CPB2: variants seen among roughly 807,000 people sequenced by gnomAD.
CPB2 encodes carboxypeptidase B-like protein.
In CPB2, 54 loss-of-function variants were observed where a neutral mutation model predicts 57.0. The ratio of observed to expected loss-of-function variants is 0.95; its 90% CI spans 0.76 to 1.19. CPB2 has a LOEUF of 1.19. CPB2 is among the 50% of genes most tolerant of loss of function. The pLI is 0.00. For synonymous variants in CPB2, 189 were observed against 178.1 expected, an observed-to-expected ratio of 1.06 and a Z score of -0.49; for missense variants, 426 against 512.0, an observed-to-expected ratio of 0.83 and a Z score of 1.62.
At chr13:46,076,969 A>T (rs1191297749) in intron 5 of CPB2, among the ~76,000 whole-genome samples, 1 of 152,172 alleles carries the variant, frequency 6.6e-6, no homozygotes, top group South Asian at 2.1e-4. Context: ...CTAAAACTAT[A>T]AAACTACTAG....
At chr13:46,095,992 T>C (rs2045361013) in intron 1 of CPB2, among the ~76,000 whole-genome samples, 1 of 150,332 alleles carries the variant, frequency 6.7e-6, no homozygotes, top group Non-Finnish European at 1.5e-5. Flanking sequence ...GTGATTCTCC[T>C]GCCTCAGCCT....
At chr13:46,067,606 G>A (rs546250808) in intron 6 of CPB2, among the ~76,000 whole-genome samples, 189 bp from the exon 7 acceptor site, 153 of 152,156 alleles carry the variant, frequency 1.0e-3, no homozygotes, top group Non-Finnish European at 1.5e-3. Context: ...TGCCTTACAC[G>A]TGGTCCAGTA....
intron 1 of CPB2, chr13:46,100,513 C>G (rs2045420944): frequency 6.6e-6 from 1 of 151,760 alleles, no homozygotes; most frequent in South Asian, 2.1e-4. Context: ...TTTTATGGTT[C>G]TGTAAGTCAC....
At chr13:46,067,735 C>T (rs1315848168) in intron 6 of CPB2, among the ~76,000 whole-genome samples, 2 of 152,134 alleles carry the variant, frequency 1.3e-5, no homozygotes, top group African/African-American at 4.8e-5. Context: ...GAAACAAAAA[C>T]CTAGATTTAG....
intron 4 of CPB2, among the ~76,000 whole-genome samples, chr13:46,080,018 A>C (rs138603136): frequency 2.2e-4 from 33 of 152,324 alleles, no homozygotes; most frequent in African/African-American, 7.7e-4. Context: ...ACATCTGAGA[A>C]AGCTACCACA....
intron 5 of CPB2, among the ~76,000 whole-genome samples, chr13:46,075,541 G>A (rs1033394229): frequency 6.6e-6 from 1 of 152,192 alleles, no homozygotes; most frequent in Non-Finnish European, 1.5e-5. Flanking sequence ...AATGTCATGG[G>A]TGGATATGCC....
At chr13:46,102,679 C>G (rs577826784) in intron 1 of CPB2, among the ~76,000 whole-genome samples, 3 of 148,976 alleles carry the variant, frequency 2.0e-5, no homozygotes, top group African/African-American at 7.4e-5. Context: ...AATTAGATTT[C>G]CTTTTTAGCT....
rs1363349127 is a variant in CPB2, at chr13:46,076,255, C to G, written c.487-2278G>C. On this transcript the variant is annotated intron_variant, in intron 5 of 10. Coordinates refer to ENST00000181383, the MANE Select transcript of CPB2 (RefSeq NM_001872.5). ...TCTTATATTTAGAAAAACCTAGCCT[C>G]CACCAAAAAACTGTGTTAGAACTGA... Among the ~76,000 whole-genome samples, 4 of 152,170 alleles carry G rather than the reference C, an allele frequency of 2.6e-5. No individual in the cohort carries two copies. In the East Asian group the frequency reaches 7.7e-4, roughly 29 times the overall value.
At chr13:46,103,910 C>T (rs1388723957) in intron 1 of CPB2, among the ~76,000 whole-genome samples, 2 of 152,194 alleles carry the variant, frequency 1.3e-5, no homozygotes, top group East Asian at 1.9e-4. Context: ...TTGACCCCCA[C>T]GTCAATTAAA....
At chr13:46,092,121 G>GA (rs932370943) in intron 1 of CPB2, among the ~76,000 whole-genome samples, 2 of 151,764 alleles carry the variant, frequency 1.3e-5, no homozygotes, top group African/African-American at 4.8e-5. Flanking sequence ...TTTTAAATTA[G>GA]AAAAAATGCT....
chr13:46,054,583 G>A (rs2044665947), intron 10 of CPB2, among the ~76,000 whole-genome samples: 2 of 152,138 alleles, frequency 1.3e-5, no homozygotes, highest in Admixed American at 1.3e-4. Flanking sequence ...GTGCTAAATT[G>A]AGTCCAGGTT....
intron 8 of CPB2, among the ~76,000 whole-genome samples, chr13:46,060,499 T>C (rs1268972095): frequency 1.3e-5 from 2 of 152,046 alleles, no homozygotes; most frequent in African/African-American, 2.4e-5. Flanking sequence ...TGAGATTAAT[T>C]CAATATTGTA....
Position 46,087,174 on chromosome 13 carries a change from G to T in CPB2, c.150+571C>A, listed in dbSNP as rs980274629. Among the ~76,000 whole-genome samples, 5 of 152,312 alleles carry T rather than the reference G, an allele frequency of 3.3e-5. No individual in the cohort carries two copies. The East Asian group carries it at 9.7e-4, about 29-fold the overall frequency. On this transcript the variant is annotated intron_variant, in intron 2 of 10. Transcript: ENST00000181383. ...AGCTGCAGCGGGCAGCTGCAGCTGC[G>T]CCTGGGGAGCATGAGGCTGCCGCCC... is the stretch of plus-strand genomic sequence containing the variant.
chr13:46,071,287 A>G (rs2044938356), intron 6 of CPB2, among the ~76,000 whole-genome samples: 2 of 152,146 alleles, frequency 1.3e-5, no homozygotes, highest in Non-Finnish European at 2.9e-5. Flanking sequence ...GCTAAGGTTG[A>G]AAAAAAAGCA....
intron 1 of CPB2, chr13:46,098,622 C>T (rs1215958067): frequency 6.6e-6 from 1 of 152,274 alleles, no homozygotes; most frequent in African/African-American, 2.4e-5. Flanking sequence ...AGGACTTGCC[C>T]TTGCCTGAAG....
intron 1 of CPB2, among the ~76,000 whole-genome samples, chr13:46,097,826 G>A (rs980540765): frequency 2.0e-5 from 3 of 152,082 alleles, no homozygotes; most frequent in Admixed American, 6.6e-5. Flanking sequence ...TAACCCACTC[G>A]GAGAATTAGT....
chr13:46,054,352 A>G (rs2044655600), intron 10 of CPB2, among the ~76,000 whole-genome samples: 1 of 152,188 alleles, frequency 6.6e-6, no homozygotes, highest in Non-Finnish European at 1.5e-5. Context: ...TTTGGCATGT[A>G]GACCTTTTTT....
chr13:46,087,879 T>C (rs747250885), intron 1 of CPB2, 59 bp from the exon 2 acceptor site: 1 of 1,187,182 alleles, frequency 8.4e-7, no homozygotes, highest in Non-Finnish European at 1.2e-6. Context: ...ATGGAATATA[T>C]TATACTGTGA....
In CPB2 at chr13:46,058,174, C is replaced by T. The variant is rs751748130; in HGVS notation, c.999+5G>A. The T allele has an allele frequency of 5.0e-6, 8 of 1,605,620 alleles. No homozygotes were observed. In the South Asian group the frequency reaches 7.7e-5, roughly 15 times the overall value. ...TAATGAGAAAAATAATTAAGTAGCACTTACCAGTTCCTCATGGTCTTTGCT... is the reference window on the plus strand; with the variant it reads ...TAATGAGAAAAATAATTAAGTAGCATTTACCAGTTCCTCATGGTCTTTGCT... On this transcript the variant is annotated splice_donor_5th_base_variant and intron_variant, in intron 9 of 10. Transcript: ENST00000181383.
Sources: gnomAD v4.1 joint callset for allele counts (sites outside exome capture counted in the v4.1 genomes callset) on GRCh38, gnomAD v4.1.1 for gene constraint, MANE v1.5 for transcripts, NCBI Gene and HGNC (gene_info 2026-07-23, HGNC 2026-07-21) for gene names.